Variants in GANC observed in about 807,000 individuals in gnomAD.
GANC encodes glucosidase alpha, neutral C.
In GANC, 117 loss-of-function variants were observed where a neutral mutation model predicts 124.2. That is an observed-to-expected ratio of 0.94 (90% CI 0.81 to 1.10). The LOEUF (loss-of-function observed/expected upper bound fraction) is 1.10. Among genes scored for constraint, GANC ranks in the 50% least tolerant of loss-of-function variants. The probability of loss-of-function intolerance (pLI) is 0.00; values close to 1 mark genes in which losing one functional copy is unlikely to be tolerated. For missense variants in GANC, 1,140 were observed against 1,095.0 expected (o/e 1.04, Z -0.58); for synonymous variants, 377 against 376.8 (o/e 1.00, Z -0.01).
intron 8 of GANC, among the ~76,000 whole-genome samples, 159 bp from the exon 9 acceptor site, chr15:42,310,124 C>T (rs2052036324): frequency 6.6e-6 from 1 of 152,186 alleles, no homozygotes; most frequent in South Asian, 2.1e-4. Flanking sequence ...GGACCACGTT[C>T]ACCTAAGTTG....
intron 15 of GANC, among the ~76,000 whole-genome samples, chr15:42,332,787 G>A (rs953785652): frequency 6.6e-6 from 1 of 151,404 alleles, no homozygotes; most frequent in Non-Finnish European, 1.5e-5. Flanking sequence ...GCCGAGGCGG[G>A]TGGATCACCT....
At position 42,291,739 on chromosome 15, in the gene GANC, T is replaced by C. The variant is rs187479397; in HGVS notation, c.330-996T>C. ...ATTCCATTATGTGTGGTAGGACCCA[T>C]GTAGTACTCAAAATGGTTTAACGCT... On this transcript the variant is annotated intron_variant, in intron 4 of 23. Coordinates refer to ENST00000318010, the MANE Select transcript of GANC (RefSeq NM_198141.3). Among the ~76,000 whole-genome samples the C allele has an allele frequency of 1.6e-4, 25 of 152,248 alleles. No homozygotes were observed. In the East Asian group the frequency reaches 4.4e-3, roughly 27 times the overall value.
At chr15:42,335,775 G>T (rs1182203587) in intron 15 of GANC, among the ~76,000 whole-genome samples, 1 of 152,086 alleles carries the variant, frequency 6.6e-6, no homozygotes, top group East Asian at 1.9e-4. Flanking sequence ...AAAGTCTCAG[G>T]ATACAAAATC....
intron 7 of GANC, among the ~76,000 whole-genome samples, chr15:42,307,200 A>G (rs2052005818): frequency 6.6e-6 from 1 of 152,138 alleles, no homozygotes; most frequent in South Asian, 2.1e-4. Context: ...AACCCTTTCT[A>G]ACACCTTTAA....
intron 18 of GANC, 81 bp from the exon 19 acceptor site, chr15:42,342,997 A>G: frequency 8.9e-7 from 1 of 1,125,088 alleles, no homozygotes; most frequent in Non-Finnish European, 1.3e-6. Context: ...ACACCATGAT[A>G]GCTAGCACTC....
At chr15:42,320,300 G>A (rs1182297114) in intron 10 of GANC, among the ~76,000 whole-genome samples, 1 of 152,182 alleles carries the variant, frequency 6.6e-6, no homozygotes, top group African/African-American at 2.4e-5. Flanking sequence ...TCCTAGTCTT[G>A]TTTAAGGGTA....
chr15:42,282,343 CAAAG>C (rs1250702633), intron 3 of GANC, among the ~76,000 whole-genome samples: 1 of 152,090 alleles, frequency 6.6e-6, no homozygotes, highest in African/African-American at 2.4e-5. Flanking sequence ...TTTTTAATAA[CAAAG>C]AACTTCTATT....
chr15:42,338,386 A>T lies in GANC; in HGVS notation c.1742-3A>T. ...TTTAATACATTGTTGCTGGTGACCA[A>T]AGGTGCCGTGTGGACAGGCGACAAC... On this transcript the variant is annotated splice_polypyrimidine_tract_variant and splice_region_variant and intron_variant, in intron 15 of 23. Coordinates refer to ENST00000318010, the MANE Select transcript of GANC (RefSeq NM_198141.3). 6.2e-7 allele frequency: 1 copy of T among 1,611,012 alleles called. No individual in the cohort carries two copies. Among genetic ancestry groups the T allele is most frequent in the Non-Finnish European group, 8.5e-7 (1 of 1,177,714 alleles).
At chr15:42,319,351 G>GT (rs1269462217) in intron 10 of GANC, among the ~76,000 whole-genome samples, 5 of 103,918 alleles carry the variant, frequency 4.8e-5, no homozygotes, top group East Asian at 5.9e-4. Flanking sequence ...CCTCTTTTTT[G>GT]TTTTTTTGTT....
chr15:42,338,746 CT>C (rs2052303767), intron 16 of GANC, among the ~76,000 whole-genome samples: 1 of 152,188 alleles, frequency 6.6e-6, no homozygotes, highest in South Asian at 2.1e-4. Flanking sequence ...TTTCTTATCA[CT>C]TCCTTCCTAG....
intron 1 of GANC, among the ~76,000 whole-genome samples, chr15:42,275,003 C>T (rs1052262915): frequency 6.6e-6 from 1 of 152,176 alleles, no homozygotes; most frequent in African/African-American, 2.4e-5. Context: ...TCTATAATCA[C>T]CCCTTCCTAT....
chr15:42,309,152 CAG>C (rs780121636), intron 8 of GANC, among the ~76,000 whole-genome samples: 1 of 152,116 alleles, frequency 6.6e-6, no homozygotes, highest in African/African-American at 2.4e-5. Flanking sequence ...CAAAGAGAAA[CAG>C]AGTCTGATAA....
At chr15:42,312,125 T>A (rs2052055907) in intron 10 of GANC, among the ~76,000 whole-genome samples, 1 of 152,182 alleles carries the variant, frequency 6.6e-6, no homozygotes. Context: ...TTCACTGCAA[T>A]CCCTATCAAA....
chr15:42,292,410 A>G (rs999638904), intron 4 of GANC, among the ~76,000 whole-genome samples: 1 of 152,066 alleles, frequency 6.6e-6, no homozygotes, highest in African/African-American at 2.4e-5. Flanking sequence ...CACTGTGTCA[A>G]GAGCTTTACA....
chr15:42,294,572 CT>C, intron 5 of GANC, among the ~76,000 whole-genome samples: 1 of 35,664 alleles, frequency 2.8e-5, no homozygotes. Flanking sequence ...AAGACTCTGT[CT>C]CAAAAAAAAA....
At chr15:42,317,580 A>T (rs1008896134) in intron 10 of GANC, among the ~76,000 whole-genome samples, 2 of 152,240 alleles carry the variant, frequency 1.3e-5, no homozygotes, top group Non-Finnish European at 2.9e-5. Flanking sequence ...AATTTTTAAG[A>T]ATCAATAATG....
chr15:42,307,925 A>G (rs1432867656), intron 7 of GANC, among the ~76,000 whole-genome samples: 1 of 152,226 alleles, frequency 6.6e-6, no homozygotes, highest in Non-Finnish European at 1.5e-5. Context: ...AAACTTTGTA[A>G]TGATGTTTTA....
intron 7 of GANC, among the ~76,000 whole-genome samples, chr15:42,307,945 G>A (rs1194532188): frequency 2.0e-5 from 3 of 152,168 alleles, no homozygotes; most frequent in Non-Finnish European, 4.4e-5. Flanking sequence ...ATATAGAGAC[G>A]AGATTTACTG....
chr15:42,287,878 G>A lies in GANC; in HGVS notation c.329+60G>A, dbSNP rs1229024471. On this transcript the variant is annotated intron_variant, in intron 4 of 23. Transcript: ENST00000318010. ...TTGATATATTCTTTTATCATATCTT[G>A]AGTAATAAATTTTGTTATGTGCACT... The A allele has an allele frequency of 7.2e-6, 11 of 1,537,052 alleles. No homozygotes were observed. The South Asian group carries it at 1.1e-4, about 16-fold the overall frequency.
Sources: gnomAD v4.1 joint callset for allele counts (sites outside exome capture counted in the v4.1 genomes callset) on GRCh38, gnomAD v4.1.1 for gene constraint, MANE v1.5 for transcripts, NCBI Gene and HGNC (gene_info 2026-07-23, HGNC 2026-07-21) for gene names.